The following VPS13B variants were observed in gnomAD, a reference collection of about 807,000 sequenced individuals.
VPS13B encodes the protein intermembrane lipid transfer protein VPS13B.
Under a neutral mutation model 426.4 loss-of-function variants are expected in VPS13B, and 285 were observed. The observed-to-expected ratio is 0.67, with a 90% CI of 0.61 to 0.74. The LOEUF (loss-of-function observed/expected upper bound fraction) is 0.74, where lower values mean the gene tolerates loss of function less well. Among genes scored for constraint, VPS13B ranks in the 30% least tolerant of loss-of-function variants. The pLI is 0.00. For missense variants in VPS13B, 4,537 were observed against 4,782.6 expected (o/e 0.95, Z 1.51); for synonymous variants, 1,676 against 1,676.4 (o/e 1.00, Z 0.01).
At chr8:99,160,217 A>G (rs925911475) in intron 15 of VPS13B, among the ~76,000 whole-genome samples, 2 of 152,184 alleles carry the variant, frequency 1.3e-5, no homozygotes, top group African/African-American at 2.4e-5. Flanking sequence ...AATACATCCA[A>G]TGCAGGTATA....
intron 27 of VPS13B, among the ~76,000 whole-genome samples, chr8:99,505,878 A>G (rs890117862): frequency 6.6e-6 from 1 of 152,310 alleles, no homozygotes; most frequent in Admixed American, 6.5e-5. Flanking sequence ...TTCTTAACAG[A>G]TACATTGATT....
intron 19 of VPS13B, among the ~76,000 whole-genome samples, chr8:99,380,239 T>C (rs1813718774): frequency 1.3e-5 from 2 of 152,212 alleles, no homozygotes; most frequent in South Asian, 4.1e-4. Context: ...TTATTTCTCT[T>C]AATATAGTAT....
At chr8:99,312,307 C>A (rs1004622635) in intron 19 of VPS13B, among the ~76,000 whole-genome samples, 1 of 149,520 alleles carries the variant, frequency 6.7e-6, no homozygotes, top group African/African-American at 2.6e-5. Context: ...TGGCTGCTAC[C>A]AGTTGTTCCT....
At chr8:99,348,983 C>T (rs1315744651) in intron 19 of VPS13B, among the ~76,000 whole-genome samples, 1 of 151,922 alleles carries the variant, frequency 6.6e-6, no homozygotes, top group Non-Finnish European at 1.5e-5. Context: ...TGGATTACTT[C>T]CTGACTCACT....
At chr8:99,140,929 G>A (rs1810387944) in intron 12 of VPS13B, among the ~76,000 whole-genome samples, 2 of 151,978 alleles carry the variant, frequency 1.3e-5, no homozygotes, top group African/African-American at 4.8e-5. Flanking sequence ...TAATATAATT[G>A]TGTAAATATT....
intron 39 of VPS13B, among the ~76,000 whole-genome samples, chr8:99,738,873 C>T (rs1340924250): frequency 6.6e-6 from 1 of 152,106 alleles, no homozygotes; most frequent in Non-Finnish European, 1.5e-5. Flanking sequence ...AGGAACAGCT[C>T]CAGTCTAGAG....
intron 60 of VPS13B, 80 bp downstream of exon 60, chr8:99,870,967 G>A: frequency 1.4e-6 from 2 of 1,432,424 alleles, no homozygotes; most frequent in Non-Finnish European, 1.9e-6. Flanking sequence ...AAGCTAATGG[G>A]CCATGCTTCC....
At chr8:99,148,111 C>A in intron 14 of VPS13B, 101 bp downstream of exon 14, 1 of 1,289,174 alleles carries the variant, frequency 7.8e-7, no homozygotes, top group Non-Finnish European at 1.1e-6. Flanking sequence ...GGCACAGTGG[C>A]TTGAGTGTGT....
intron 35 of VPS13B, among the ~76,000 whole-genome samples, chr8:99,687,217 C>G (rs1230751913): frequency 1.3e-5 from 2 of 151,902 alleles, no homozygotes; most frequent in East Asian, 3.9e-4. Context: ...CCTGCTGTGG[C>G]TGAGCTGGTA....
At position 99,550,105 on chromosome 8, in the gene VPS13B, G is replaced by C. The variant is rs547046058; in HGVS notation, c.4746-6345G>C. 5.9e-5 allele frequency among the ~76,000 whole-genome samples: 9 copies of C among 152,140 alleles called. No homozygotes were observed. The East Asian group carries it at 1.7e-3, about 29-fold the overall frequency. ...ATTCTTAGGGCCTATCACAATACCT[G>C]ACATACAGTGCCCAATAAATAATGC... On this transcript the variant is annotated intron_variant, in intron 30 of 61. Transcript: ENST00000357162.
chr8:99,760,170 A>T (rs1810856155), intron 39 of VPS13B, among the ~76,000 whole-genome samples: 1 of 151,706 alleles, frequency 6.6e-6, no homozygotes, highest in African/African-American at 2.4e-5. Context: ...TTTTTAGTAG[A>T]GACGGGGTTT....
chr8:99,137,049 A>G, intron 12 of VPS13B, among the ~76,000 whole-genome samples: 1 of 152,140 alleles, frequency 6.6e-6, no homozygotes, highest in East Asian at 1.9e-4. Context: ...TAAATTTTTA[A>G]AAAGAATAAA....
chr8:99,875,895 T>C lies in VPS13B; in HGVS notation c.*229T>C. 1.7e-6 allele frequency: 1 copy of C among 575,514 alleles called. No homozygotes were observed. Among genetic ancestry groups the C allele is most frequent in the Non-Finnish European group, 3.1e-6 (1 of 324,728 alleles). The allele number at this position is 575,514 out of a possible 1,614,324, so 35.7% of individuals were successfully genotyped here. ...AAAAGCCTAGGCAGCTCTAACATCA[T>C]CTGATATGGACACAAGGCCAACAGT... On this transcript the variant is annotated 3_prime_UTR_variant, in exon 62 of 62. Transcript: ENST00000357162.
intron 3 of VPS13B, among the ~76,000 whole-genome samples, chr8:99,055,673 A>G (rs900829996): frequency 2.6e-5 from 4 of 151,832 alleles, no homozygotes; most frequent in Non-Finnish European, 1.5e-5. Context: ...CTTAATTTCC[A>G]TTTTGGATCA....
chr8:99,826,956 G>A (rs1280779381), intron 51 of VPS13B, among the ~76,000 whole-genome samples: 1 of 152,092 alleles, frequency 6.6e-6, no homozygotes, highest in Admixed American at 6.6e-5. Context: ...TTAATGTGCT[G>A]CTGGATTCGG....
chr8:99,245,916 T>C (rs1817193835), intron 17 of VPS13B, among the ~76,000 whole-genome samples: 1 of 152,230 alleles, frequency 6.6e-6, no homozygotes, highest in African/African-American at 2.4e-5. Flanking sequence ...TTTCTAACAT[T>C]AGGAAATTGT....
intron 43 of VPS13B, among the ~76,000 whole-genome samples, chr8:99,791,720 TAAAAAAAAA>T (rs1163608239): frequency 1.1e-5 from 1 of 90,070 alleles, no homozygotes; most frequent in Non-Finnish European, 2.3e-5. Flanking sequence ...GAACAGAACT[TAAAAAAAAA>T]AAAAAAAAAA....
chr8:99,587,767 A>G (rs1307585819), intron 33 of VPS13B, among the ~76,000 whole-genome samples: 1 of 151,730 alleles, frequency 6.6e-6, no homozygotes, highest in Admixed American at 6.5e-5. Flanking sequence ...CCCATTCTGT[A>G]GGTTGCCTGT....
chr8:99,496,093 A>G (rs1389658857), intron 25 of VPS13B, among the ~76,000 whole-genome samples: 6 of 152,212 alleles, frequency 3.9e-5, no homozygotes, highest in Non-Finnish European at 8.8e-5. Context: ...TTACTCACAG[A>G]CAACTTTGTA....
Sources: allele counts gnomAD v4.1 joint callset (sites outside exome capture counted in the v4.1 genomes callset), GRCh38; gene constraint gnomAD v4.1.1; transcripts MANE v1.5; gene names NCBI Gene and HGNC (gene_info 2026-07-23, HGNC 2026-07-21).